The following ZMYND8 variants were observed in gnomAD, a reference collection of about 807,000 sequenced individuals.
The protein encoded by ZMYND8 is zinc finger MYND-type containing 8.
Under a neutral mutation model 140.8 loss-of-function variants are expected in ZMYND8, and 37 were observed. The ratio of observed to expected loss-of-function variants is 0.26; its 90% CI spans 0.20 to 0.35. The LOEUF (loss-of-function observed/expected upper bound fraction) is 0.35. Ranked by LOEUF, ZMYND8 falls within the 10% of genes least tolerant of loss-of-function variation. The pLI is 1.00. For synonymous variants in ZMYND8, 592 were observed against 597.1 expected, an observed-to-expected ratio of 0.99 and a Z score of 0.12; for missense variants, 1,068 against 1,570.0, an observed-to-expected ratio of 0.68 and a Z score of 5.40.
intron 12 of ZMYND8, among the ~76,000 whole-genome samples, chr20:47,257,439 C>A (rs1467385155): frequency 2.0e-5 from 3 of 151,882 alleles, no homozygotes; most frequent in Non-Finnish European, 4.4e-5. Flanking sequence ...CAAATATATA[C>A]CCATATACTA....
Position 47,259,410 on chromosome 20 carries a change from G to A in ZMYND8, c.1621+2878C>T, listed in dbSNP as rs1467189660. ...TGAGCCAGGATTGGAGCCAGGCTGT[G>A]CTCCAGCCCTGCTGCCTCTGGGATC... On this transcript the variant is annotated intron_variant, in intron 12 of 22. Transcript: ENST00000471951. Among the ~76,000 whole-genome samples the A allele has an allele frequency of 5.8e-4, 88 of 152,270 alleles. 1 individual carries two copies. The highest frequency in any genetic ancestry group is 2.9e-5 in the Non-Finnish European group (2 of 68,012).
At chr20:47,280,106 C>T (rs1220750189) in intron 10 of ZMYND8, among the ~76,000 whole-genome samples, 2 of 127,200 alleles carry the variant, frequency 1.6e-5, no homozygotes, top group East Asian at 4.7e-4. Flanking sequence ...GCCTAGGTGA[C>T]AAACCAAGAC....
intron 10 of ZMYND8, among the ~76,000 whole-genome samples, chr20:47,280,383 G>A (rs967643817): frequency 4.6e-5 from 7 of 152,028 alleles, no homozygotes; most frequent in South Asian, 2.1e-4. Flanking sequence ...CAGCTTCCAC[G>A]ACAGCTCTCA....
intron 17 of ZMYND8, among the ~76,000 whole-genome samples, chr20:47,228,217 G>A (rs75776948): frequency 0.027 from 4,036 of 152,228 alleles, 183 homozygotes; most frequent in African/African-American, 0.092. Context: ...GTCATTTGCG[G>A]TTGTCACAAT....
intron 11 of ZMYND8, among the ~76,000 whole-genome samples, chr20:47,266,668 C>T (rs1329924737): frequency 1.3e-5 from 2 of 152,076 alleles, no homozygotes; most frequent in African/African-American, 4.8e-5. Flanking sequence ...TAAACATATC[C>T]CAAATCTCTG....
intron 6 of ZMYND8, 57 bp downstream of exon 6, chr20:47,291,739 A>G: frequency 7.2e-7 from 1 of 1,382,240 alleles, no homozygotes; most frequent in Non-Finnish European, 9.9e-7. Flanking sequence ...GTGAGGGAAG[A>G]GCCTTAGGCA....
At chr20:47,220,405 G>A in intron 20 of ZMYND8, 81 bp from the exon 21 acceptor site, 1 of 1,173,818 alleles carries the variant, frequency 8.5e-7, no homozygotes, top group Non-Finnish European at 1.2e-6. Context: ...GGAGTCATGG[G>A]GGTGCTCATC....
rs190919884 is a variant in ZMYND8 at position 47,262,025 on chromosome 20, C to G, written c.1621+263G>C. On this transcript the variant is annotated intron_variant, in intron 12 of 22. Coordinates refer to ENST00000471951, the MANE Select transcript of ZMYND8 (RefSeq NM_001281775.3). ...GGCGGAGGTTGCAGGGAGCCGAGACCGCACCCTTGCACTCCAGCCTGGGCA... is the reference window on the plus strand; with the variant it reads ...GGCGGAGGTTGCAGGGAGCCGAGACGGCACCCTTGCACTCCAGCCTGGGCA... 9.2e-5 allele frequency among the ~76,000 whole-genome samples: 14 copies of G among 151,624 alleles called. No homozygotes were observed. In the East Asian group the frequency reaches 2.3e-3, roughly 25 times the overall value.
intron 21 of ZMYND8, 109 bp downstream of exon 21, chr20:47,220,149 C>T (rs571940457): frequency 2.6e-6 from 2 of 755,748 alleles, no homozygotes; most frequent in Non-Finnish European, 4.1e-6. Context: ...GATCCATAAT[C>T]GTTTGGAAAC....
chr20:47,308,640 C>G (rs1193565250), intron 3 of ZMYND8, among the ~76,000 whole-genome samples: 1 of 152,122 alleles, frequency 6.6e-6, no homozygotes, highest in African/African-American at 2.4e-5. Flanking sequence ...GCATTTAGCT[C>G]AATGTTCACA....
At chr20:47,322,263 A>AAACC (rs1416757973) in intron 2 of ZMYND8, among the ~76,000 whole-genome samples, 4 of 152,094 alleles carry the variant, frequency 2.6e-5, no homozygotes, top group Non-Finnish European at 4.4e-5. Flanking sequence ...ACAGATGGAC[A>AAACC]AACCACTGAA....
intron 11 of ZMYND8, among the ~76,000 whole-genome samples, chr20:47,263,599 G>C (rs2075303387): frequency 6.6e-6 from 1 of 152,204 alleles, no homozygotes; most frequent in South Asian, 2.1e-4. Flanking sequence ...GACTCCAGAA[G>C]TAAAGAGGCC....
rs779100956 is a variant in ZMYND8, at chr20:47,246,466, G to A, written c.1826C>T (p.Ser609Leu). Reference protein sequence around the residue: ...DVYTAVEHSDSEDSEKSDSSD... With the variant: ...DVYTAVEHSDLEDSEKSDSSD... ...ACTATCTGACTTCTCAGAATCCTCC[G>A]AATCGCTGTGCTCTACGGCCGTATA... Residue 609 changes from serine to leucine, a missense_variant, in exon 14 of 23, where the codon TCG (serine) becomes TTG (leucine). Physicochemically the swap from Ser to Leu is moderately radical, Grantham distance 145. Around this residue, in one of 10 missense-constraint regions of ZMYND8, gnomAD observed 383 missense variants for 431.2 expected, o/e 0.89. Transcript: ENST00000471951. 1.4e-5 allele frequency: 23 copies of A among 1,613,176 alleles called. No individual in the cohort carries two copies. The highest frequency in any genetic ancestry group is 1.6e-4 in the Middle Eastern group (1 of 6,084).
Position 47,210,634 on chromosome 20 carries a change from G to A in ZMYND8, c.*127C>T, listed in dbSNP as rs1465921466. On this transcript the variant is annotated 3_prime_UTR_variant, in exon 23 of 23. Coordinates refer to ENST00000471951, the MANE Select transcript of ZMYND8 (RefSeq NM_001281775.3). ...AGCAGCCCCCGCGCCGGGGGCTCAGGCTCAACTGAGGGTTTTGTCATTTTC... is the reference window on the plus strand; with the variant it reads ...AGCAGCCCCCGCGCCGGGGGCTCAGACTCAACTGAGGGTTTTGTCATTTTC... 86 of 1,532,666 alleles carry A rather than the reference G, an allele frequency of 5.6e-5. No homozygotes were observed. The highest frequency in any genetic ancestry group is 7.2e-5 in the Non-Finnish European group (80 of 1,111,080). The allele number at this position is 1,532,666 out of a possible 1,614,324, so 94.9% of individuals were successfully genotyped here. A position where few individuals can be genotyped will look rare whatever the true frequency, so the allele number is the denominator to read the frequency against.
intron 2 of ZMYND8, among the ~76,000 whole-genome samples, chr20:47,342,230 TA>T: frequency 6.6e-6 from 1 of 151,974 alleles, no homozygotes; most frequent in African/African-American, 2.4e-5. Context: ...TCTTGGTTTC[TA>T]ATACTATTCT....
intron 1 of ZMYND8, among the ~76,000 whole-genome samples, chr20:47,351,330 G>C (rs941095504): frequency 6.6e-6 from 1 of 152,100 alleles, no homozygotes; most frequent in African/African-American, 2.4e-5. Context: ...AAAAATGCCT[G>C]AATACACAAT....
chr20:47,231,400 C>T (rs2147083730), intron 16 of ZMYND8, among the ~76,000 whole-genome samples: 1 of 152,154 alleles, frequency 6.6e-6, no homozygotes, highest in South Asian at 2.1e-4. Context: ...CCTCGGTTTC[C>T]CCACAAAAAA....
rs539307998 is a variant in ZMYND8 at position 47,298,138 on chromosome 20, ATTATATGGAACT to A, written c.453+579_453+590del. On this transcript the variant is annotated intron_variant, in intron 4 of 22. Transcript: ENST00000471951. This position sits in a 1 kb window ranked among gnomAD's most constrained non-coding sequence, Gnocchi z 5.0. ...CTTCACAGCACTTTTCTTTTAATTC[ATTATATGGAACT>A]TTATTTATTTTGGTTTTTGTCCTTT... 7.3e-5 allele frequency: 33 copies of A among 453,956 alleles called. 1 individual carries two copies. The Middle Eastern group carries it at 3.3e-3, about 46-fold the overall frequency. The allele number at this position is 453,956 out of a possible 1,614,324, so 28.1% of individuals were successfully genotyped here. A position where few individuals can be genotyped will look rare whatever the true frequency, so the allele number is the denominator to read the frequency against.
intron 2 of ZMYND8, chr20:47,319,032 T>C: frequency 7.4e-7 from 1 of 1,350,978 alleles, no homozygotes; most frequent in South Asian, 1.1e-5. Flanking sequence ...ACAGCAGACA[T>C]TCCTGCTTCC....
Sources: allele counts gnomAD v4.1 joint callset (sites outside exome capture counted in the v4.1 genomes callset), GRCh38; gene constraint gnomAD v4.1.1; regional missense constraint gnomAD v4.1.1; non-coding constraint Gnocchi (gnomAD v3.1); transcripts MANE v1.5; gene names NCBI Gene and HGNC (gene_info 2026-07-23, HGNC 2026-07-21).